Variants in LARGE1 observed in about 807,000 individuals in gnomAD.
The protein encoded by LARGE1 is xylosyl- and glucuronyltransferase LARGE1.
LARGE1 carries 43 observed loss-of-function variants against 87.6 expected under a neutral mutation model. The ratio of observed to expected loss-of-function variants is 0.49; its 90% CI spans 0.38 to 0.63. The LOEUF is 0.63. Ranked by LOEUF, LARGE1 falls within the 30% of genes least tolerant of loss-of-function variation. The probability of loss-of-function intolerance (pLI) is 0.00; values close to 1 mark genes in which losing one functional copy is unlikely to be tolerated. For missense variants in LARGE1, 802 were observed against 1,000.2 expected, an observed-to-expected ratio of 0.80 and a Z score of 2.67; for synonymous variants, 434 against 394.6, an observed-to-expected ratio of 1.10 and a Z score of -1.18.
intron 11 of LARGE1, among the ~76,000 whole-genome samples, chr22:33,172,019 G>T (rs1307129514): frequency 6.6e-6 from 1 of 152,254 alleles, no homozygotes; most frequent in East Asian, 1.9e-4. Context: ...AGGTGCCCAA[G>T]ACCATGGAAA....
At chr22:33,541,078 GTT>G (rs2077188704) in intron 6 of LARGE1, among the ~76,000 whole-genome samples, 4 of 62,248 alleles carry the variant, frequency 6.4e-5, no homozygotes, top group Non-Finnish European at 6.7e-5. Context: ...CGGGGGGCGG[GTT>G]GCAGGGGGAG....
At chr22:33,558,104 C>T (rs1036041311) in intron 6 of LARGE1, among the ~76,000 whole-genome samples, 1 of 152,092 alleles carries the variant, frequency 6.6e-6, no homozygotes, top group Non-Finnish European at 1.5e-5. Context: ...GCAAAACAGT[C>T]TCTCAAGTTT....
chr22:33,221,026 C>T (rs1925430471), intron 11 of LARGE1, among the ~76,000 whole-genome samples: 2 of 152,122 alleles, frequency 1.3e-5, no homozygotes, highest in African/African-American at 4.8e-5. Context: ...GTGGGACCCC[C>T]ACAGGAAGAT....
At chr22:33,707,756 C>G (rs1464785580) in intron 2 of LARGE1, among the ~76,000 whole-genome samples, 1 of 152,150 alleles carries the variant, frequency 6.6e-6, no homozygotes, top group Non-Finnish European at 1.5e-5. Context: ...ATGGAGCTGC[C>G]TCCCACAGTC....
chr22:33,207,974 G>A (rs1327733105), intron 11 of LARGE1, among the ~76,000 whole-genome samples: 2 of 152,128 alleles, frequency 1.3e-5, no homozygotes, highest in African/African-American at 2.4e-5. Context: ...CAAATTTCTA[G>A]TCTTTTCTTT....
Position 33,564,925 on chromosome 22 carries a change from C to T in LARGE1, c.710G>A (p.Arg237Lys). 1 of 1,614,184 alleles carries T rather than the reference C, an allele frequency of 6.2e-7. No homozygotes were observed. Residue 237 changes from arginine to lysine, a missense_variant, in exon 6 of 15, where the codon AGA (arginine) becomes AAA (lysine). Arg to Lys is a conservative substitution (Grantham distance 26, BLOSUM62 2). This residue lies in a region of LARGE1 where 625 missense variants were observed against 841.9 expected (regional missense o/e 0.74). Coordinates refer to ENST00000397394, the MANE Select transcript of LARGE1 (RefSeq NM_133642.5). ...GATATCCGTGTCAAGGACGATGACT[C>T]TCTCCAGGTTGGCAGGAAGAGTCTT... ...LTKTLPANLE[R>K]VIVLDTDITF... is the part of the protein sequence containing the mutation.
At chr22:33,078,174 G>A in the LARGE1 span, among the ~76,000 whole-genome samples, 186 of 152,274 alleles carry the variant, frequency 1.2e-3, no homozygotes, top group African/African-American at 4.3e-3. Context: ...GAGTGCTTTT[G>A]CTGATTGCTG....
intron 1 of LARGE1, among the ~76,000 whole-genome samples, chr22:33,896,239 C>G (rs892185850): frequency 2.0e-5 from 3 of 152,234 alleles, no homozygotes; most frequent in African/African-American, 7.2e-5. Context: ...CCTCAAAGTT[C>G]ATCCATGTTG....
chr22:33,721,610 C>T (rs1050595209), intron 2 of LARGE1, among the ~76,000 whole-genome samples: 3 of 152,184 alleles, frequency 2.0e-5, no homozygotes, highest in African/African-American at 7.2e-5. Context: ...CAAATCCATG[C>T]CCCCAACTGA....
At chr22:33,396,328 C>T (rs1184282185) in intron 7 of LARGE1, among the ~76,000 whole-genome samples, 1 of 152,086 alleles carries the variant, frequency 6.6e-6, no homozygotes, top group Admixed American at 6.5e-5. Flanking sequence ...TTTAAAATCC[C>T]CTGCTGATTT....
chr22:33,587,796 T>G (rs1215381425), intron 5 of LARGE1, among the ~76,000 whole-genome samples: 3 of 152,162 alleles, frequency 2.0e-5, no homozygotes, highest in African/African-American at 7.2e-5. Context: ...GACCAACATT[T>G]TCATATTTTT....
intron 1 of LARGE1, among the ~76,000 whole-genome samples, chr22:33,788,224 T>C (rs1413651119): frequency 6.6e-6 from 1 of 152,200 alleles, no homozygotes; most frequent in Non-Finnish European, 1.5e-5. Context: ...TGAGATCCGA[T>C]GGTTTTATAA....
At chr22:33,622,767 G>A (rs928646796) in intron 4 of LARGE1, among the ~76,000 whole-genome samples, 5 of 152,200 alleles carry the variant, frequency 3.3e-5, no homozygotes, top group Non-Finnish European at 2.9e-5. Flanking sequence ...GCCCACTGGA[G>A]TAGACAGGGG....
chr22:33,267,386 C>A (rs57743865), intron 11 of LARGE1, among the ~76,000 whole-genome samples: 7,720 of 151,716 alleles, frequency 0.051, 919 homozygotes, highest in African/African-American at 0.18. Flanking sequence ...AATATTAGAA[C>A]GTTGAAGGCA....
chr22:33,804,507 G>C (rs964075198), intron 1 of LARGE1, among the ~76,000 whole-genome samples: 1 of 152,186 alleles, frequency 6.6e-6, no homozygotes, highest in Admixed American at 6.5e-5. Flanking sequence ...AAGGGAGGCT[G>C]CAAGAGATCC....
Position 33,273,769 on chromosome 22 carries a change from A to G in LARGE1, c.*658T>C, listed in dbSNP as rs796447089. On this transcript the variant is annotated 3_prime_UTR_variant, in exon 15 of 15. Transcript: ENST00000397394. ...AGAGCCTCAAAGGATCAGATTTTCTATTTTGGATTGCCAGCCCCAAAAATA... is the reference window on the plus strand; with the variant it reads ...AGAGCCTCAAAGGATCAGATTTTCTGTTTTGGATTGCCAGCCCCAAAAATA... The G allele has an allele frequency of 3.3e-5, 13 of 398,670 alleles. No individual in the cohort carries two copies. Among genetic ancestry groups the G allele is most frequent in the African/African-American group, 2.1e-4 (10 of 48,618 alleles). The allele number at this position is 398,670 out of a possible 1,614,324, so 24.7% of individuals were successfully genotyped here.
intron 7 of LARGE1, among the ~76,000 whole-genome samples, chr22:33,400,073 A>G (rs187384622): frequency 1.3e-5 from 2 of 152,326 alleles, no homozygotes; most frequent in Admixed American, 1.3e-4. Context: ...AAATCCATGA[A>G]GATGTCAAGT....
chr22:33,922,530 G>C (rs1332351826), upstream of LARGE1: 1 of 152,114 alleles, frequency 6.6e-6, no homozygotes, highest in Non-Finnish European at 1.5e-5. Flanking sequence ...GGCAGCGGTG[G>C]TACAGCAGCG....
intron 6 of LARGE1, among the ~76,000 whole-genome samples, chr22:33,454,668 G>C (rs1246437207): frequency 6.6e-6 from 1 of 151,678 alleles, no homozygotes; most frequent in Non-Finnish European, 1.5e-5. Context: ...ATTGGCTCAT[G>C]GTTCTGCAGG....
Sources: allele counts gnomAD v4.1 joint callset (sites outside exome capture counted in the v4.1 genomes callset), GRCh38; gene constraint gnomAD v4.1.1; regional missense constraint gnomAD v4.1.1; transcripts MANE v1.5; gene names NCBI Gene and HGNC (gene_info 2026-07-23, HGNC 2026-07-21).